C2CD3: variants seen among roughly 807,000 people sequenced by gnomAD.
C2CD3 encodes the protein C2 domain containing 3 centriole elongation regulator, also known as C2 domain-containing protein 3.
In C2CD3, 148 loss-of-function variants were observed where a neutral mutation model predicts 234.0. The ratio of observed to expected loss-of-function variants is 0.63; its 90% CI spans 0.55 to 0.72. C2CD3 has a LOEUF of 0.72. C2CD3 is among the 30% of genes least tolerant of loss of function. C2CD3 has a pLI of 0.00. For missense variants in C2CD3, 2,577 were observed against 2,811.5 expected, an observed-to-expected ratio of 0.92 and a Z score of 1.89; for synonymous variants, 1,000 against 1,035.4, an observed-to-expected ratio of 0.97 and a Z score of 0.66.
At chr11:74,113,702 T>TA in intron 11 of C2CD3, 78 bp downstream of exon 11, 1 of 720,590 alleles carries the variant, frequency 1.4e-6, no homozygotes, top group African/African-American at 2.0e-5. Flanking sequence ...AAAAAAAAAG[T>TA]CAAATGAGTA....
chr11:74,062,111 C>A (rs1335256783), intron 24 of C2CD3, among the ~76,000 whole-genome samples: 1 of 151,962 alleles, frequency 6.6e-6, no homozygotes, highest in Non-Finnish European at 1.5e-5. Flanking sequence ...CAGGAGCACT[C>A]AGATTCATAA....
intron 13 of C2CD3, 142 bp downstream of exon 13, chr11:74,106,229 T>C (rs754027845): frequency 1.4e-6 from 1 of 716,772 alleles, no homozygotes; most frequent in African/African-American, 1.8e-5. Flanking sequence ...ATTTCCTTCA[T>C]AGTACTTCCA....
At chr11:74,108,488 G>A (rs1312943609) in intron 12 of C2CD3, among the ~76,000 whole-genome samples, 2 of 152,106 alleles carry the variant, frequency 1.3e-5, no homozygotes, top group African/African-American at 2.4e-5. Flanking sequence ...TTATAAACTT[G>A]GAATTAGTTG....
intron 30 of C2CD3, among the ~76,000 whole-genome samples, chr11:74,037,171 T>C (rs541039922): frequency 9.2e-5 from 14 of 152,266 alleles, no homozygotes; most frequent in Admixed American, 1.3e-4. Context: ...ACTCTTTTCT[T>C]GGCTGGGGAA....
chr11:74,077,696 G>A (rs1955099198), intron 23 of C2CD3, among the ~76,000 whole-genome samples: 1 of 146,692 alleles, frequency 6.8e-6, no homozygotes, highest in Admixed American at 6.9e-5. Flanking sequence ...GTTGATGGGT[G>A]CAGCAAACCA....
chr11:74,037,675 T>C lies in C2CD3; in HGVS notation c.5684A>G (p.Gln1895Arg). 6.2e-7 allele frequency: 1 copy of C among 1,613,868 alleles called. No homozygotes were observed. The highest frequency in any genetic ancestry group is 8.5e-7 in the Non-Finnish European group (1 of 1,179,848). ...SLRKNLSELD[Q>R]IQRYFRQKLT... ...CTTCTGGCGGAAGTACCTCTGAATC[T>C]GATCAAGCTCACTCAGATTCTTCCT... The change falls in exon 30 of 33, where the codon CAG (glutamine) becomes CGG (arginine). Residue 1895 changes from glutamine to arginine, a missense_variant. Transcript: ENST00000334126.
intron 22 of C2CD3, among the ~76,000 whole-genome samples, chr11:74,084,293 T>C (rs1297922575): frequency 6.6e-6 from 1 of 151,948 alleles, no homozygotes; most frequent in African/African-American, 2.4e-5. Flanking sequence ...GGGCCTGTCA[T>C]GGGGTGGAGG....
In C2CD3 at chr11:74,103,644, G is replaced by T. The variant is rs186977512; in HGVS notation, c.2086-19C>A. 2.5e-6 allele frequency: 4 copies of T among 1,590,534 alleles called. No homozygotes were observed. The highest frequency in any genetic ancestry group is 1.7e-6 in the Non-Finnish European group (2 of 1,169,304). ...TGGTTACCTGTAAAACACAAAAGGA[G>T]AAGAGTCAATAAGAATGTCCTTTAG... On this transcript the variant is annotated intron_variant, in intron 13 of 32. Coordinates refer to ENST00000334126, the MANE Select transcript of C2CD3 (RefSeq NM_001286577.2).
At chr11:74,049,718 G>C (rs1953581302) in intron 26 of C2CD3, among the ~76,000 whole-genome samples, 176 bp from the exon 27 acceptor site, 1 of 152,150 alleles carries the variant, frequency 6.6e-6, no homozygotes, top group South Asian at 2.1e-4. Flanking sequence ...TGCCTTCCCT[G>C]TTAGGAATTC....
intron 32 of C2CD3, among the ~76,000 whole-genome samples, chr11:74,024,921 A>G (rs1441057135): frequency 1.3e-5 from 2 of 152,152 alleles, no homozygotes; most frequent in African/African-American, 4.8e-5. Context: ...TGGGCTAACC[A>G]TGATGACTGG....
intron 12 of C2CD3, 87 bp downstream of exon 12, chr11:74,108,947 T>G: frequency 1.4e-6 from 1 of 704,800 alleles, no homozygotes; most frequent in East Asian, 2.8e-5. Context: ...CACCTGAAGA[T>G]TCCTAGTTTA....
intron 26 of C2CD3, 42 bp from the exon 27 acceptor site, chr11:74,049,584 GT>G: frequency 7.3e-6 from 11 of 1,507,672 alleles, no homozygotes; most frequent in Non-Finnish European, 7.3e-6. Context: ...GGCTAGGCAT[GT>G]CCTGCCACTG....
chr11:74,075,660 A>G (rs1022263708), intron 23 of C2CD3, among the ~76,000 whole-genome samples: 10 of 152,204 alleles, frequency 6.6e-5, no homozygotes, highest in African/African-American at 2.2e-4. Context: ...TGATTCATAG[A>G]TGGCAATAAT....
At chr11:74,062,762 A>C (rs1954307405) in intron 24 of C2CD3, among the ~76,000 whole-genome samples, 2 of 151,926 alleles carry the variant, frequency 1.3e-5, no homozygotes, top group Non-Finnish European at 2.9e-5. Flanking sequence ...GAAGGGAAGA[A>C]ATAACTAAGA....
chr11:74,014,009 G>A (rs1951788582), intron 32 of C2CD3, among the ~76,000 whole-genome samples: 2 of 152,176 alleles, frequency 1.3e-5, no homozygotes, highest in African/African-American at 4.8e-5. Context: ...AGCTCCTGGA[G>A]TTGCCAGGTG....
intron 3 of C2CD3, among the ~76,000 whole-genome samples, chr11:74,156,127 A>G (rs1293539839): frequency 1.3e-5 from 2 of 152,116 alleles, no homozygotes; most frequent in East Asian, 3.9e-4. Context: ...ACAAAAAATT[A>G]GCTGGGCATG....
At position 74,093,853 on chromosome 11, in the gene C2CD3, C is replaced by A. The variant is rs138377668; in HGVS notation, c.3307G>T (p.Val1103Leu). ...LLSAFSAQGL[V>L]PGGGVQFEIW... is the part of the protein sequence containing the mutation. ...TCAAACTGGACTCCACCTCCAGGCA[C>A]GAGGCCCTGTGCAGAGAAAGCACTT... is the stretch of plus-strand genomic sequence containing the variant. Residue 1103 changes from valine (V) to leucine (L), a missense_variant, in exon 18 of 33, where the codon GTG (valine) becomes TTG (leucine). Physicochemically the swap from Val to Leu is conservative, Grantham distance 32. Transcript: ENST00000334126. The A allele has an allele frequency of 6.2e-7, 1 of 1,613,994 alleles. No homozygotes were observed. Among genetic ancestry groups the A allele is most frequent in the Non-Finnish European group, 8.5e-7 (1 of 1,179,918 alleles).
chr11:74,083,444 T>G (rs374784105), intron 22 of C2CD3, among the ~76,000 whole-genome samples: 25 of 152,162 alleles, frequency 1.6e-4, no homozygotes, highest in Non-Finnish European at 2.4e-4. Flanking sequence ...TGACAAATGG[T>G]ATCTAATTAA....
chr11:74,121,603 C>T (rs1248789157), intron 8 of C2CD3, among the ~76,000 whole-genome samples: 6 of 117,830 alleles, frequency 5.1e-5, no homozygotes, highest in South Asian at 2.9e-4. Flanking sequence ...TGAGAGACTC[C>T]GTCTCAAAAA....
Sources: gnomAD v4.1 joint callset for allele counts (sites outside exome capture counted in the v4.1 genomes callset) on GRCh38, gnomAD v4.1.1 for gene constraint, MANE v1.5 for transcripts, NCBI Gene and HGNC (gene_info 2026-07-23, HGNC 2026-07-21) for gene names.